Variants in SAMD12 observed in about 807,000 individuals in gnomAD.
SAMD12 encodes the protein sterile alpha motif domain-containing protein 12.
In SAMD12, 9 loss-of-function variants were observed where a neutral mutation model predicts 15.0. That is an observed-to-expected ratio of 0.60 (90% confidence interval 0.36 to 1.05). The LOEUF is 1.05. SAMD12 is among the 50% of genes least tolerant of loss of function. SAMD12 has a pLI of 0.01. For missense variants in SAMD12, 230 were observed against 234.2 expected (o/e 0.98, Z 0.12); for synonymous variants, 86 against 90.1 (o/e 0.96, Z 0.25).
intron 4 of SAMD12, among the ~76,000 whole-genome samples, chr8:118,294,362 T>C (rs1814593207): frequency 6.6e-6 from 1 of 152,148 alleles, no homozygotes; most frequent in Admixed American, 6.6e-5. Flanking sequence ...ACATGATCAA[T>C]TTAGGCATGC....
intron 4 of SAMD12, among the ~76,000 whole-genome samples, chr8:118,208,805 T>A (rs1486330343): frequency 1.3e-5 from 2 of 152,146 alleles, no homozygotes; most frequent in African/African-American, 2.4e-5. Flanking sequence ...AATAAAAAAA[T>A]AAAGTTTAGA....
chr8:118,476,818 C>A (rs1028437095), intron 2 of SAMD12, among the ~76,000 whole-genome samples: 6 of 152,134 alleles, frequency 3.9e-5, no homozygotes, highest in Non-Finnish European at 7.3e-5. Flanking sequence ...TGCCAAGTAA[C>A]CTTAATGCTC....
At chr8:118,308,714 C>CT (rs33966721) in intron 4 of SAMD12, among the ~76,000 whole-genome samples, 44 of 149,702 alleles carry the variant, frequency 2.9e-4, no homozygotes, top group Admixed American at 6.7e-4. Flanking sequence ...GTACACATGA[C>CT]TTTTTTTTTT....
chr8:118,327,727 C>T (rs1816631122), intron 4 of SAMD12, among the ~76,000 whole-genome samples: 1 of 152,056 alleles, frequency 6.6e-6, no homozygotes, highest in South Asian at 2.1e-4. Context: ...ATCTGTGGCC[C>T]TTTGAAGATC....
intron 4 of SAMD12, among the ~76,000 whole-genome samples, chr8:118,236,128 G>T (rs1812424170): frequency 6.6e-6 from 1 of 152,150 alleles, no homozygotes; most frequent in Non-Finnish European, 1.5e-5. Context: ...GCTCTGGCTT[G>T]TGACTACTTC....
chr8:118,305,602 T>C (rs1815301978), intron 4 of SAMD12, among the ~76,000 whole-genome samples: 1 of 152,226 alleles, frequency 6.6e-6, no homozygotes, highest in East Asian at 1.9e-4. Context: ...GGTGTACCAG[T>C]ATCTGTTTGA....
At chr8:118,308,753 C>A (rs1002583588) in intron 4 of SAMD12, among the ~76,000 whole-genome samples, 2 of 151,966 alleles carry the variant, frequency 1.3e-5, no homozygotes, top group Non-Finnish European at 2.9e-5. Context: ...TTAGTTCAGA[C>A]CCCTCTACTG....
chr8:118,578,917 C>T (rs576897926), intron 2 of SAMD12, among the ~76,000 whole-genome samples: 1 of 152,204 alleles, frequency 6.6e-6, no homozygotes, highest in African/African-American at 2.4e-5. Flanking sequence ...TGCATAAACT[C>T]AAATGAATCT....
At chr8:118,183,793 A>G in the SAMD12 span, among the ~76,000 whole-genome samples, 3 of 152,052 alleles carry the variant, frequency 2.0e-5, no homozygotes, top group South Asian at 2.1e-4. Context: ...TGTACATTGT[A>G]CCCAGTAGGG....
At chr8:118,439,738 AG>A in intron 3 of SAMD12, 93 bp downstream of exon 3, 1 of 1,232,178 alleles carries the variant, frequency 8.1e-7, no homozygotes, top group South Asian at 1.4e-5. Flanking sequence ...AAATTTCAGC[AG>A]GAAGATGTTG....
At chr8:118,558,264 C>A (rs1204507429) in intron 2 of SAMD12, among the ~76,000 whole-genome samples, 2 of 152,028 alleles carry the variant, frequency 1.3e-5, no homozygotes, top group Non-Finnish European at 2.9e-5. Context: ...AATCAAGATT[C>A]TTTATTTTGT....
At chr8:118,459,599 T>C (rs77811002) in intron 2 of SAMD12, among the ~76,000 whole-genome samples, 242 of 152,292 alleles carry the variant, frequency 1.6e-3, no homozygotes, top group Admixed American at 0.01. Context: ...CAATTACTAA[T>C]AACTATGGAT....
chr8:118,548,959 G>T lies in SAMD12; in HGVS notation c.192+31756C>A, dbSNP rs193212083. Among the ~76,000 whole-genome samples the T allele has an allele frequency of 5.8e-3, 887 of 152,392 alleles. 2 individuals are homozygous for T. The highest frequency in any genetic ancestry group is 0.02 in the African/African-American group (825 of 41,596). ...CAGTCTGAGATCAAAGTGCAAGGCG[G>T]CAGCCAGGCTGGGGGAGGGGCGCCC... On this transcript the variant is annotated intron_variant, in intron 2 of 3. Coordinates refer to ENST00000314727, the MANE Select transcript of SAMD12 (RefSeq NM_207506.3).
intron 3 of SAMD12, among the ~76,000 whole-genome samples, chr8:118,404,999 ACTTT>A (rs998327230): frequency 6.6e-6 from 1 of 152,106 alleles, no homozygotes; most frequent in African/African-American, 2.4e-5. Flanking sequence ...CTGAACCTGT[ACTTT>A]CTTTCATTCA....
chr8:118,375,435 T>C (rs1586625774), downstream of SAMD12, among the ~76,000 whole-genome samples: 1 of 152,306 alleles, frequency 6.6e-6, no homozygotes. Context: ...GGGTAAGTTG[T>C]ATGTTATGTG....
At chr8:118,161,738 G>A in the SAMD12 span, among the ~76,000 whole-genome samples, 1 of 151,244 alleles carries the variant, frequency 6.6e-6, no homozygotes, top group Non-Finnish European at 1.5e-5. Context: ...TTATCAATAT[G>A]TTTAACAAAT....
intron 2 of SAMD12, among the ~76,000 whole-genome samples, chr8:118,560,413 G>A (rs993535001): frequency 6.6e-6 from 1 of 152,186 alleles, no homozygotes; most frequent in Non-Finnish European, 1.5e-5. Flanking sequence ...TGACTTCCAA[G>A]AATACTTCTA....
intron 3 of SAMD12, among the ~76,000 whole-genome samples, chr8:118,395,929 T>C (rs75968579): frequency 9.1e-6 from 1 of 109,342 alleles, no homozygotes; most frequent in African/African-American, 3.4e-5. Flanking sequence ...CAAGACTCCA[T>C]CTCAAAAAAA....
At chr8:118,567,313 C>T (rs753523489) in intron 2 of SAMD12, among the ~76,000 whole-genome samples, 1 of 151,738 alleles carries the variant, frequency 6.6e-6, no homozygotes, top group African/African-American at 2.4e-5. Context: ...TCTATAAACA[C>T]CTTCTGCTTG....
Sources: gnomAD v4.1 joint callset for allele counts (sites outside exome capture counted in the v4.1 genomes callset) on GRCh38, gnomAD v4.1.1 for gene constraint, MANE v1.5 for transcripts, NCBI Gene and HGNC (gene_info 2026-07-23, HGNC 2026-07-21) for gene names.